VPS13B: variants seen among roughly 807,000 people sequenced by gnomAD.
VPS13B encodes intermembrane lipid transfer protein VPS13B.
A neutral mutation model predicts 426.4 loss-of-function variants in VPS13B; 285 were observed. The observed-to-expected ratio is 0.67, with a 90% CI of 0.61 to 0.74. VPS13B has a LOEUF of 0.74. VPS13B is among the 30% of genes least tolerant of loss of function. The pLI is 0.00. For missense variants in VPS13B, 4,537 were observed against 4,782.6 expected (o/e 0.95, Z 1.51); for synonymous variants, 1,676 against 1,676.4 (o/e 1.00, Z 0.01).
At chr8:99,801,613 G>A (rs923223303) in intron 43 of VPS13B, among the ~76,000 whole-genome samples, 3 of 152,122 alleles carry the variant, frequency 2.0e-5, no homozygotes, top group African/African-American at 7.2e-5. Flanking sequence ...TGGGGAGTAA[G>A]TAAAATACAT....
chr8:99,149,772 A>G (rs191752658), intron 14 of VPS13B, among the ~76,000 whole-genome samples: 235 of 152,160 alleles, frequency 1.5e-3, no homozygotes, highest in African/African-American at 5.2e-3. Flanking sequence ...GAGCGTTACC[A>G]CCTGAGCTCC....
intron 36 of VPS13B, among the ~76,000 whole-genome samples, chr8:99,715,947 T>G (rs1317306022): frequency 6.6e-6 from 1 of 152,142 alleles, no homozygotes; most frequent in Admixed American, 6.5e-5. Context: ...TGGGGGTATT[T>G]TGGGGCCTGT....
intron 2 of VPS13B, among the ~76,000 whole-genome samples, chr8:99,016,586 CTT>C (rs754060289): frequency 5.0e-3 from 305 of 60,678 alleles, no homozygotes; most frequent in African/African-American, 0.019. Context: ...TATAGGAATT[CTT>C]TTTTTTTTTT....
At chr8:99,431,487 G>C in intron 21 of VPS13B, 50 bp from the exon 22 acceptor site, 1 of 1,605,684 alleles carries the variant, frequency 6.2e-7, no homozygotes, top group Non-Finnish European at 8.5e-7. Flanking sequence ...TATGTTCTGT[G>C]AAATTGTAAG....
At chr8:99,018,843 A>G (rs1344913882) in intron 2 of VPS13B, among the ~76,000 whole-genome samples, 1 of 152,188 alleles carries the variant, frequency 6.6e-6, no homozygotes, top group African/African-American at 2.4e-5. Flanking sequence ...ATGAGTTGAT[A>G]TATGATTTTT....
At chr8:99,412,264 TCTC>T (rs1815718221) in intron 21 of VPS13B, among the ~76,000 whole-genome samples, 1 of 152,202 alleles carries the variant, frequency 6.6e-6, no homozygotes, top group Non-Finnish European at 1.5e-5. Context: ...GGTTTGTAGT[TCTC>T]CTTGAAGAGG....
chr8:99,425,631 A>G (rs960768182), intron 21 of VPS13B, among the ~76,000 whole-genome samples: 1 of 152,204 alleles, frequency 6.6e-6, no homozygotes, highest in African/African-American at 2.4e-5. Context: ...CAAAAACTGG[A>G]AGCATTCCCT....
chr8:99,432,701 A>C (rs1415320072), intron 22 of VPS13B, among the ~76,000 whole-genome samples: 1 of 152,222 alleles, frequency 6.6e-6, no homozygotes, highest in African/African-American at 2.4e-5. Flanking sequence ...TACTGGAAGA[A>C]GCTGAAATTA....
At chr8:99,380,454 G>A (rs184703122) in intron 19 of VPS13B, among the ~76,000 whole-genome samples, 64 of 151,920 alleles carry the variant, frequency 4.2e-4, no homozygotes, top group African/African-American at 1.4e-3. Context: ...TTTCTTTTCT[G>A]ACATCTGCTT....
intron 33 of VPS13B, among the ~76,000 whole-genome samples, chr8:99,587,414 G>T (rs1826362172): frequency 6.6e-6 from 1 of 151,596 alleles, no homozygotes; most frequent in African/African-American, 2.4e-5. Flanking sequence ...TTCCACAATG[G>T]TTCAACTAGT....
chr8:99,193,079 T>C (rs958302958), intron 17 of VPS13B, 22 bp downstream of exon 17: 1 of 1,612,306 alleles, frequency 6.2e-7, no homozygotes, highest in Admixed American at 1.7e-5. Flanking sequence ...GTCTTTTTGA[T>C]AACTATATGG....
In VPS13B at chr8:99,778,775, A is replaced by G. The variant is rs749658822; in HGVS notation, c.7523A>G (p.Tyr2508Cys). 2 of 1,614,006 alleles carry G rather than the reference A, an allele frequency of 1.2e-6. No individual in the cohort carries two copies. Among genetic ancestry groups the G allele is most frequent in the Middle Eastern group, 1.6e-4 (1 of 6,062 alleles). ...GTTTCCTTCAGAGAACCACACATGT[A>G]TCTTCGACAGTGGAATAATGGTTCT... ...MIVSFREPHM[Y>C]LRQWNNGSVC... The change falls in exon 42 of 62, where the codon TAT (tyrosine) becomes TGT (cysteine). Residue 2508 changes from tyrosine (Y) to cysteine (C), a missense_variant. Physicochemically the swap from Tyr to Cys is radical, Grantham distance 194 (BLOSUM62 -2). Transcript: ENST00000357162.
intron 35 of VPS13B, among the ~76,000 whole-genome samples, chr8:99,675,349 T>A (rs968742348): frequency 9.2e-5 from 14 of 152,190 alleles, no homozygotes; most frequent in Admixed American, 6.5e-5. Context: ...TATTCTTTGC[T>A]TCTTTCTTCT....
intron 1 of VPS13B, 55 bp from the exon 2 acceptor site, chr8:99,013,702 GAAC>G: frequency 9.1e-6 from 14 of 1,542,262 alleles, no homozygotes; most frequent in Non-Finnish European, 1.3e-5. Context: ...CTGAGATAAC[GAAC>G]GCTCTTTCCT....
intron 27 of VPS13B, among the ~76,000 whole-genome samples, chr8:99,505,196 C>T (rs1366903794): frequency 1.3e-5 from 2 of 152,162 alleles, no homozygotes; most frequent in Non-Finnish European, 2.9e-5. Flanking sequence ...GACTTTCTGC[C>T]TATCAGCAAT....
chr8:99,488,656 A>G (rs1820429884), intron 25 of VPS13B, among the ~76,000 whole-genome samples: 1 of 152,186 alleles, frequency 6.6e-6, no homozygotes, highest in Admixed American at 6.5e-5. Context: ...ATTGAAACCC[A>G]GAGAATTAAA....
At chr8:99,188,176 T>C (rs760489167) in intron 16 of VPS13B, among the ~76,000 whole-genome samples, 1 of 150,018 alleles carries the variant, frequency 6.7e-6, no homozygotes, top group Non-Finnish European at 1.5e-5. Flanking sequence ...ACAACATAAA[T>C]TTCATCATTT....
At chr8:99,693,203 A>G (rs915436286) in intron 35 of VPS13B, among the ~76,000 whole-genome samples, 13 of 151,398 alleles carry the variant, frequency 8.6e-5, no homozygotes, top group African/African-American at 1.5e-4. Context: ...TATGAGGCCA[A>G]CATCATTCTG....
intron 14 of VPS13B, among the ~76,000 whole-genome samples, chr8:99,150,879 A>C (rs977934263): frequency 2.0e-5 from 3 of 152,164 alleles, no homozygotes; most frequent in Non-Finnish European, 4.4e-5. Context: ...CATGTTTTCA[A>C]CTCCTTTGGG....
Sources: allele counts gnomAD v4.1 joint callset (sites outside exome capture counted in the v4.1 genomes callset), GRCh38; gene constraint gnomAD v4.1.1; transcripts MANE v1.5; gene names NCBI Gene and HGNC (gene_info 2026-07-23, HGNC 2026-07-21).